The following VAV1 variants were observed in gnomAD, a reference collection of about 807,000 sequenced individuals.
VAV1 encodes the protein vav guanine nucleotide exchange factor 1.
A neutral mutation model predicts 128.1 loss-of-function variants in VAV1; 33 were observed. The ratio of observed to expected loss-of-function variants is 0.26; its 90% CI spans 0.20 to 0.34. The LOEUF is 0.34. Among genes scored for constraint, VAV1 ranks in the 10% least tolerant of loss-of-function variants. The pLI is 1.00. For synonymous variants in VAV1, 394 were observed against 409.8 expected (o/e 0.96, Z 0.47); for missense variants, 715 against 1,093.7 (o/e 0.65, Z 4.88).
intron 1 of VAV1, among the ~76,000 whole-genome samples, chr19:6,773,614 A>G (rs1188547397): frequency 6.6e-6 from 1 of 152,078 alleles, no homozygotes; most frequent in African/African-American, 2.4e-5. Flanking sequence ...ATAGTAAGGC[A>G]GGGCCCAGTC....
intron 24 of VAV1, among the ~76,000 whole-genome samples, chr19:6,852,018 T>TA (rs1164855623): frequency 6.6e-6 from 1 of 151,910 alleles, no homozygotes; most frequent in Non-Finnish European, 1.5e-5. Flanking sequence ...AGGTTTACTT[T>TA]AAAAAAAATA....
chr19:6,805,896 T>C (rs1971386072), intron 1 of VAV1, among the ~76,000 whole-genome samples: 2 of 152,074 alleles, frequency 1.3e-5, no homozygotes, highest in South Asian at 4.2e-4. Context: ...TGGACTGCCC[T>C]GATGGAAGTG....
At chr19:6,804,822 CA>C (rs1971354634) in intron 1 of VAV1, among the ~76,000 whole-genome samples, 1 of 150,950 alleles carries the variant, frequency 6.6e-6, no homozygotes, top group Non-Finnish European at 1.5e-5. Flanking sequence ...CTCCCACGTT[CA>C]CGCCATTCTC....
intron 15 of VAV1, among the ~76,000 whole-genome samples, chr19:6,832,441 C>A (rs748721670): frequency 2.0e-5 from 3 of 151,206 alleles, no homozygotes; most frequent in Non-Finnish European, 4.4e-5. Context: ...CTTTCTTGTT[C>A]TCCTCTCCTC....
At chr19:6,855,703 C>G (rs113366743) in intron 26 of VAV1, among the ~76,000 whole-genome samples, 1 of 151,848 alleles carries the variant, frequency 6.6e-6, no homozygotes, top group Admixed American at 6.6e-5. Context: ...ATCCATACAC[C>G]TACTCACCAG....
chr19:6,854,211 A>C lies in VAV1; in HGVS notation c.2484+113A>C, dbSNP rs10421706. On this transcript the variant is annotated intron_variant, in intron 26 of 26. Transcript: ENST00000602142. Reference sequence around the variant, plus strand: ...GGTGCGGCTCCCATGGAGATCTCTCACGGTGGGAGGGAAGGAAGGGACACA... The same window carrying C: ...GGTGCGGCTCCCATGGAGATCTCTCCCGGTGGGAGGGAAGGAAGGGACACA... 9.1e-3 allele frequency: 12,663 copies of C among 1,387,382 alleles called. 975 individuals carry two copies. The African/African-American group carries it at 0.16, about 18-fold the overall frequency. The allele number at this position is 1,387,382 out of a possible 1,614,324, so 85.9% of individuals were successfully genotyped here.
At chr19:6,835,013 A>C (rs990054691) in intron 19 of VAV1, among the ~76,000 whole-genome samples, 1 of 151,946 alleles carries the variant, frequency 6.6e-6, no homozygotes, top group African/African-American at 2.4e-5. Context: ...ACTGCACGCC[A>C]ACCTGGGCAA....
intron 24 of VAV1, 39 bp from the exon 25 acceptor site, chr19:6,852,925 GC>G: frequency 6.4e-7 from 1 of 1,559,784 alleles, no homozygotes; most frequent in South Asian, 1.1e-5. Flanking sequence ...TTATGGGCTG[GC>G]CCGCTGGGAT....
chr19:6,826,057 G>A lies in VAV1; in HGVS notation c.828-555G>A, dbSNP rs1204110090. 2.0e-5 allele frequency among the ~76,000 whole-genome samples: 3 copies of A among 151,500 alleles called. No individual in the cohort carries two copies. Among genetic ancestry groups the A allele is most frequent in the Admixed American group, 1.3e-4 (2 of 15,194 alleles). ...GACTCTGTCTCAGAAATAAAAACAG[G>A]CCAGGCGTGGTGGCTCACGCCTGTA... On this transcript the variant is annotated intron_variant, in intron 8 of 26. Transcript: ENST00000602142. This position sits in a 1 kb window ranked among gnomAD's most constrained non-coding sequence, Gnocchi z 4.1.
chr19:6,817,997 T>G (rs1808563), intron 1 of VAV1, among the ~76,000 whole-genome samples: 1 of 152,104 alleles, frequency 6.6e-6, no homozygotes, highest in African/African-American at 2.4e-5. Context: ...TAAATTTGTT[T>G]TTGTAGAAAT....
chr19:6,840,204 T>C (rs2144807738), intron 21 of VAV1, among the ~76,000 whole-genome samples: 1 of 152,306 alleles, frequency 6.6e-6, no homozygotes, highest in Non-Finnish European at 1.5e-5. Flanking sequence ...CTCACCTAAG[T>C]GAAATCATAC....
chr19:6,851,684 G>A (rs1288160284), intron 24 of VAV1, among the ~76,000 whole-genome samples: 10 of 152,208 alleles, frequency 6.6e-5, no homozygotes, highest in Non-Finnish European at 1.5e-4. Context: ...CTTCTGTTTG[G>A]TGCCTTGTAA....
At chr19:6,830,312 C>T (rs1972025620) in intron 14 of VAV1, among the ~76,000 whole-genome samples, 1 of 151,994 alleles carries the variant, frequency 6.6e-6, no homozygotes, top group Non-Finnish European at 1.5e-5. Flanking sequence ...CTGCCTCGGC[C>T]TCCCAAAGTG....
chr19:6,823,029 T>G (rs917079912), intron 6 of VAV1, among the ~76,000 whole-genome samples: 1 of 148,122 alleles, frequency 6.8e-6, no homozygotes, highest in African/African-American at 2.5e-5. Flanking sequence ...TCTTTTTATA[T>G]AGATATATAT....
At chr19:6,779,631 C>A (rs943183303) in intron 1 of VAV1, among the ~76,000 whole-genome samples, 2 of 149,828 alleles carry the variant, frequency 1.3e-5, no homozygotes, top group South Asian at 2.2e-4. Flanking sequence ...GAGGCCGAGG[C>A]GGGAGGATTG....
intron 19 of VAV1, 183 bp from the exon 20 acceptor site, chr19:6,836,249 C>A: frequency 1.4e-6 from 1 of 731,422 alleles, no homozygotes; most frequent in Non-Finnish European, 2.2e-6. Context: ...TAGATATTGC[C>A]AAATAGTTTT....
chr19:6,774,427 C>CTTTTTTT (rs1002823385), intron 1 of VAV1, among the ~76,000 whole-genome samples: 8 of 91,568 alleles, frequency 8.7e-5, no homozygotes, highest in African/African-American at 4.5e-4. Flanking sequence ...CGCGCCCAGC[C>CTTTTTTT]TTTTTTTTTT....
chr19:6,812,959 A>G (rs1204016140), intron 1 of VAV1, among the ~76,000 whole-genome samples: 1 of 152,238 alleles, frequency 6.6e-6, no homozygotes, highest in Non-Finnish European at 1.5e-5. Flanking sequence ...TTTATGCATC[A>G]TATAACTGAA....
At chr19:6,811,197 G>A (rs545779697) in intron 1 of VAV1, among the ~76,000 whole-genome samples, 6 of 152,080 alleles carry the variant, frequency 3.9e-5, no homozygotes, top group South Asian at 2.1e-4. Context: ...CACCATGCCC[G>A]GCTAATTTTT....
Sources: allele counts gnomAD v4.1 joint callset (sites outside exome capture counted in the v4.1 genomes callset), GRCh38; gene constraint gnomAD v4.1.1; non-coding constraint Gnocchi (gnomAD v3.1); transcripts MANE v1.5; gene names NCBI Gene and HGNC (gene_info 2026-07-23, HGNC 2026-07-21).